Variants in ZNF557 observed in about 807,000 individuals in gnomAD.
ZNF557 encodes the protein CTB-25J19.9.
ZNF557 carries 19 observed loss-of-function variants against 21.2 expected under a neutral mutation model. That is an observed-to-expected ratio of 0.90 (90% CI 0.63 to 1.32). The LOEUF (loss-of-function observed/expected upper bound fraction) is 1.32. Ranked by LOEUF, ZNF557 falls within the 40% of genes most tolerant of loss-of-function variation. The pLI is 0.00. For missense variants in ZNF557, 487 were observed against 519.8 expected, an observed-to-expected ratio of 0.94 and a Z score of 0.61; for synonymous variants, 207 against 194.8, an observed-to-expected ratio of 1.06 and a Z score of -0.52.
rs1431250072 is a variant in ZNF557, at chr19:7,084,366, T to C, written c.*622T>C. 1 of 152,732 alleles carries C rather than the reference T, an allele frequency of 6.5e-6. No homozygotes were observed. Among genetic ancestry groups the C allele is most frequent in the Non-Finnish European group, 1.5e-5 (1 of 68,606 alleles). The allele number at this position is 152,732 out of a possible 1,614,324, so 9.5% of individuals were successfully genotyped here. ...TTCAGCTGACCCTCATTTTTTTTTT[T>C]TTAAGACAATGTCTCACTCTGTCAC... On this transcript the variant is annotated 3_prime_UTR_variant, in exon 8 of 8. Transcript: ENST00000252840.
At chr19:7,074,209 T>C (rs1396235009) in intron 2 of ZNF557, among the ~76,000 whole-genome samples, 2 of 151,810 alleles carry the variant, frequency 1.3e-5, no homozygotes, top group East Asian at 1.9e-4. Flanking sequence ...GGTTTCACCA[T>C]GTTAGCCAGG....
intron 5 of ZNF557, among the ~76,000 whole-genome samples, 200 bp from the exon 6 acceptor site, chr19:7,081,155 GTGTGT>G (rs1977692762): frequency 0.022 from 247 of 11,454 alleles, no homozygotes; most frequent in Admixed American, 0.08. Context: ...TGTGGGGTGT[GTGTGT>G]GTGTGTGTGT....
At chr19:7,074,757 G>A (rs1977542954) in intron 2 of ZNF557, among the ~76,000 whole-genome samples, 1 of 129,136 alleles carries the variant, frequency 7.7e-6, no homozygotes, top group African/African-American at 3.0e-5. Flanking sequence ...CAGGGCACGG[G>A]CTGGAGGGGG....
In ZNF557 at chr19:7,083,930, C is replaced by A; in HGVS notation, c.*186C>A. ...GGTCAGGAATTCAGAAACAACATAG[C>A]TCTATAGTTCTTCAGGATATCTCAA... On this transcript the variant is annotated 3_prime_UTR_variant, in exon 8 of 8. Transcript: ENST00000252840. 1.6e-6 allele frequency: 1 copy of A among 609,710 alleles called. No individual in the cohort carries two copies. Among genetic ancestry groups the A allele is most frequent in the Non-Finnish European group, 2.8e-6 (1 of 351,702 alleles). The allele number at this position is 609,710 out of a possible 1,614,324, so 37.8% of individuals were successfully genotyped here.
In ZNF557 at chr19:7,084,775, A is replaced by G. The variant is rs1429311780; in HGVS notation, c.*1031A>G. The G allele has an allele frequency of 2.6e-5, 4 of 151,294 alleles. No homozygotes were observed. Among genetic ancestry groups the G allele is most frequent in the Admixed American group, 2.6e-4 (4 of 15,176 alleles). 9.4% of individuals were successfully genotyped at this position (151,294 alleles called of 1,614,324 possible). On this transcript the variant is annotated 3_prime_UTR_variant, in exon 8 of 8. Transcript: ENST00000252840. ...TTTGAGCTCAAACTTTCCCCCTACC[A>G]AAAAAAAAGTATCTACTGGGGAGCT... is the stretch of plus-strand genomic sequence containing the variant.
chr19:7,077,132 CTTTT>C (rs4031071), intron 5 of ZNF557, among the ~76,000 whole-genome samples: 5 of 78,368 alleles, frequency 6.4e-5, no homozygotes, highest in Non-Finnish European at 6.7e-5. Context: ...TGTTTTCTTT[CTTTT>C]TTTTTTTTTT....
intron 5 of ZNF557, among the ~76,000 whole-genome samples, chr19:7,080,344 G>A (rs1256276739): frequency 6.6e-6 from 1 of 152,140 alleles, no homozygotes; most frequent in African/African-American, 2.4e-5. Context: ...CTACTCCTCA[G>A]AGCATCTTGT....
intron 7 of ZNF557, among the ~76,000 whole-genome samples, chr19:7,082,412 ACT>A (rs1182781985): frequency 7.9e-4 from 76 of 96,004 alleles, no homozygotes; most frequent in African/African-American, 3.2e-3. Flanking sequence ...ACAGAGCAAG[ACT>A]CTGTCTCAAA....
chr19:7,080,132 T>C (rs557969953), intron 5 of ZNF557, among the ~76,000 whole-genome samples: 68 of 152,234 alleles, frequency 4.5e-4, no homozygotes, highest in Non-Finnish European at 7.3e-4. Context: ...TGAAACCACA[T>C]CTTTACTAAA....
intron 2 of ZNF557, among the ~76,000 whole-genome samples, chr19:7,071,017 C>G (rs769272304): frequency 6.6e-6 from 1 of 152,082 alleles, no homozygotes; most frequent in Admixed American, 6.5e-5. Flanking sequence ...CCACCCACCT[C>G]GGCCTCCTAA....
chr19:7,073,097 A>G (rs1034163780), intron 2 of ZNF557, among the ~76,000 whole-genome samples: 2 of 151,952 alleles, frequency 1.3e-5, no homozygotes, highest in East Asian at 1.9e-4. Flanking sequence ...CTCACAAACA[A>G]GTATAAATAC....
chr19:7,081,518 G>C (rs1200710778), intron 6 of ZNF557, 63 bp downstream of exon 6: 1 of 1,102,380 alleles, frequency 9.1e-7, no homozygotes, highest in Non-Finnish European at 1.4e-6. Flanking sequence ...TGAGAAGTTG[G>C]GAGTATTATA....
intron 2 of ZNF557, among the ~76,000 whole-genome samples, chr19:7,070,922 C>T (rs181269679): frequency 1.4e-4 from 22 of 152,212 alleles, no homozygotes; most frequent in East Asian, 5.8e-4. Context: ...TGCACCACCA[C>T]GCCCAGCTAA....
chr19:7,078,363 G>A (rs1977626376), intron 5 of ZNF557, among the ~76,000 whole-genome samples: 1 of 151,776 alleles, frequency 6.6e-6, no homozygotes, highest in South Asian at 2.1e-4. Flanking sequence ...AGATCCTTGA[G>A]CTGCTTTGAT....
In ZNF557 at chr19:7,083,081, C is replaced by T. The variant is rs1435499457; in HGVS notation, c.630C>T (p.Cys210=). The T allele has an allele frequency of 2.5e-6, 4 of 1,613,984 alleles. No individual in the cohort carries two copies. Among genetic ancestry groups the T allele is most frequent in the African/African-American group, 1.3e-5 (1 of 74,926 alleles). ...RIHNGEKPYE[C]NDCGKTFSSR... ...ACAATGGGGAGAAACCCTATGAATG[C>T]AATGACTGTGGGAAAACCTTCAGCA... Residue 210 remains cysteine, a synonymous_variant, in exon 8 of 8, where the codon TGC becomes TGT. Coordinates refer to ENST00000252840, the MANE Select transcript of ZNF557 (RefSeq NM_024341.3).
rs1977809047 is a variant in ZNF557, at chr19:7,085,195, G to A, written c.*1451G>A. The stretch of plus-strand genomic sequence containing the variant: ...ACAATTTATACAATTTATTTTTTGA[G>A]ACAGGGTTTCATCTGTGCCCAGGCT... On this transcript the variant is annotated 3_prime_UTR_variant, in exon 8 of 8. Coordinates refer to ENST00000252840, the MANE Select transcript of ZNF557 (RefSeq NM_024341.3). 6.6e-6 allele frequency: 1 copy of A among 152,072 alleles called. No homozygotes were observed. Among genetic ancestry groups the A allele is most frequent in the South Asian group, 2.1e-4 (1 of 4,820 alleles). The allele number at this position is 152,072 out of a possible 1,614,324, so 9.4% of individuals were successfully genotyped here.
chr19:7,071,480 C>G (rs1343647536), intron 2 of ZNF557, among the ~76,000 whole-genome samples: 1 of 152,190 alleles, frequency 6.6e-6, no homozygotes, highest in Non-Finnish European at 1.5e-5. Context: ...GAAAGCCCTG[C>G]TGGGCGGCAT....
chr19:7,074,534 T>C (rs10402172), intron 2 of ZNF557, among the ~76,000 whole-genome samples: 2,403 of 151,364 alleles, frequency 0.016, 51 homozygotes, highest in African/African-American at 0.055. Flanking sequence ...CTTTTACATT[T>C]GTGTATCTTA....
chr19:7,073,956 G>A (rs1323883681), intron 2 of ZNF557, among the ~76,000 whole-genome samples: 2 of 150,226 alleles, frequency 1.3e-5, no homozygotes, highest in Non-Finnish European at 3.0e-5. Flanking sequence ...TGCAGACAGC[G>A]CCTGCCCCCG....
Sources: allele counts gnomAD v4.1 joint callset (sites outside exome capture counted in the v4.1 genomes callset), GRCh38; gene constraint gnomAD v4.1.1; transcripts MANE v1.5; gene names NCBI Gene and HGNC (gene_info 2026-07-23, HGNC 2026-07-21).